The following SYNE2 variants were observed in gnomAD, a reference collection of about 807,000 sequenced individuals.
SYNE2 encodes nesprin-2.
In SYNE2, 431 loss-of-function variants were observed where a neutral mutation model predicts 856.3. That is an observed-to-expected ratio of 0.50 (90% CI 0.47 to 0.55). The LOEUF (loss-of-function observed/expected upper bound fraction) is 0.55, where lower values mean the gene tolerates loss of function less well. Ranked by LOEUF, SYNE2 falls within the 20% of genes least tolerant of loss-of-function variation. The pLI is 0.00. For synonymous variants in SYNE2, 2,923 were observed against 2,872.3 expected (o/e 1.02, Z -0.56); for missense variants, 8,129 against 8,023.2 (o/e 1.01, Z -0.50).
intron 9 of SYNE2, among the ~76,000 whole-genome samples, chr14:63,962,401 A>G (rs2153448546): frequency 6.6e-6 from 1 of 152,140 alleles, no homozygotes; most frequent in South Asian, 2.1e-4. Context: ...TTATTGAGAT[A>G]TAGTTTATAT....
chr14:64,130,874 AC>A (rs1391115682), intron 76 of SYNE2, among the ~76,000 whole-genome samples: 1 of 145,974 alleles, frequency 6.9e-6, no homozygotes, highest in African/African-American at 2.5e-5. Context: ...ACACAGCAAG[AC>A]TCTATCTCAA....
rs73277593 is a variant in SYNE2 at position 64,052,480 on chromosome 14, T to G, written c.8567T>G (p.Leu2856Arg). ...CTTATGGTTCAAGAAAGTGAAACAC[T>G]GATAATTCCCAGGGTGGAGACAGCT... ...FQLMVQESET[L>R]IIPRVETAAT... The change falls in exon 48 of 116, where the codon CTG becomes CGG. Residue 2856 changes from leucine (L) to arginine (R), a missense_variant. Physicochemically the swap from Leu to Arg is moderately radical, Grantham distance 102. Coordinates refer to ENST00000555002, the MANE Select transcript of SYNE2 (RefSeq NM_182914.3). 6.2e-5 allele frequency: 100 copies of G among 1,613,756 alleles called. No individual in the cohort carries two copies. The African/African-American group carries it at 1.3e-3, about 20-fold the overall frequency.
At chr14:64,014,338 G>A (rs567830812) in intron 32 of SYNE2, among the ~76,000 whole-genome samples, 48 of 152,292 alleles carry the variant, frequency 3.2e-4, no homozygotes, top group African/African-American at 1.1e-3. Context: ...CATTTGTAAA[G>A]GAGTCTTTGG....
chr14:63,785,755 A>T (rs975599596), intron 1 of SYNE2, among the ~76,000 whole-genome samples: 6 of 152,120 alleles, frequency 3.9e-5, no homozygotes, highest in African/African-American at 1.4e-4. Context: ...TTTTTAAATC[A>T]TTATTGACAT....
chr14:63,940,315 C>T (rs368989436), intron 2 of SYNE2, among the ~76,000 whole-genome samples: 55 of 152,234 alleles, frequency 3.6e-4, no homozygotes, highest in African/African-American at 1.3e-3. Context: ...CTCGGCCTCC[C>T]AAGTGCTGGG....
At chr14:64,174,068 ATT>A (rs774699849) in intron 94 of SYNE2, 4,457 of 412,266 alleles carry the variant, frequency 0.011, no homozygotes, top group Middle Eastern at 0.023. Flanking sequence ...TGTCTCTTAA[ATT>A]TTTTTTTTTT....
At chr14:64,168,234 G>C (rs1185285427) in intron 92 of SYNE2, among the ~76,000 whole-genome samples, 1 of 152,158 alleles carries the variant, frequency 6.6e-6, no homozygotes, top group Non-Finnish European at 1.5e-5. Flanking sequence ...CTTCCGAGTA[G>C]CTGGGACTAT....
Position 64,056,029 on chromosome 14 carries a change from C to G in SYNE2, c.9830C>G (p.Ala3277Gly), listed in dbSNP as rs758226884. 23 of 1,613,924 alleles carry G rather than the reference C, an allele frequency of 1.4e-5. No individual in the cohort carries two copies. Among genetic ancestry groups the G allele is most frequent in the East Asian group, 6.7e-5 (3 of 44,890 alleles). Residue 3277 changes from alanine to glycine, a missense_variant, in exon 49 of 116, where the codon GCC (alanine) becomes GGC (glycine). Coordinates refer to ENST00000555002, the MANE Select transcript of SYNE2 (RefSeq NM_182914.3). ...RAVESITSLE[A>G]IIIPYRVDVG... is the part of the protein sequence containing the mutation. ...GTGGAGAGCATCACTTCCCTCGAAGCCATCATTATACCCTACAGAGTAGAT... is the reference window on the plus strand; with the variant it reads ...GTGGAGAGCATCACTTCCCTCGAAGGCATCATTATACCCTACAGAGTAGAT...
chr14:63,860,234 A>G (rs528669883), intron 1 of SYNE2, among the ~76,000 whole-genome samples: 1 of 148,466 alleles, frequency 6.7e-6, no homozygotes, highest in South Asian at 2.1e-4. Flanking sequence ...ATATTTTAGA[A>G]TACTGCAGAG....
At chr14:64,045,378 T>C (rs2097178532) in intron 45 of SYNE2, among the ~76,000 whole-genome samples, 1 of 150,542 alleles carries the variant, frequency 6.6e-6, no homozygotes, top group Non-Finnish European at 1.5e-5. Flanking sequence ...GAATAACAGA[T>C]AAAGTGTTCC....
intron 1 of SYNE2, among the ~76,000 whole-genome samples, chr14:63,810,659 T>C (rs896724785): frequency 1.3e-5 from 2 of 152,206 alleles, no homozygotes; most frequent in African/African-American, 4.8e-5. Context: ...GTTTTTTTGA[T>C]TTTCTATTTG....
chr14:64,225,025 CGAG>C lies in SYNE2; in HGVS notation c.20503_20505del (p.Glu6835del), dbSNP rs780096549. On this transcript the variant is annotated inframe_deletion, in exon 115 of 116. Transcript: ENST00000555002. ...TCAGAGCAGTGAGAACTACAGAAGG[CGAG>C]GAGGAGACAGAGAGCAGGTAACGGG... 6.3e-5 allele frequency: 101 copies of C among 1,613,810 alleles called. No homozygotes were observed. Among genetic ancestry groups the C allele is most frequent in the Non-Finnish European group, 6.4e-5 (76 of 1,179,950 alleles).
intron 85 of SYNE2, among the ~76,000 whole-genome samples, chr14:64,156,867 C>T (rs1351327514): frequency 2.0e-5 from 3 of 152,220 alleles, no homozygotes; most frequent in East Asian, 1.9e-4. Context: ...CACATTTTAG[C>T]GTCCCACTTT....
At chr14:63,906,563 A>G (rs1205242714) in intron 1 of SYNE2, among the ~76,000 whole-genome samples, 1 of 152,202 alleles carries the variant, frequency 6.6e-6, no homozygotes, top group Non-Finnish European at 1.5e-5. Flanking sequence ...CCAGGAATTT[A>G]TCCATTTCCT....
chr14:63,827,867 T>C (rs1183008336), intron 1 of SYNE2, among the ~76,000 whole-genome samples: 1 of 151,552 alleles, frequency 6.6e-6, no homozygotes, highest in Non-Finnish European at 1.5e-5. Context: ...ATCCATGGGT[T>C]CTACATTTGC....
intron 99 of SYNE2, among the ~76,000 whole-genome samples, chr14:64,200,761 T>C (rs2098558318): frequency 6.6e-6 from 1 of 151,334 alleles, no homozygotes; most frequent in Non-Finnish European, 1.5e-5. Context: ...CATTCTGCCT[T>C]TCACATGTTA....
rs2096969116 is a variant in SYNE2 at position 64,025,290 on chromosome 14, A to C, written c.6121A>C (p.Thr2041Pro). 6.2e-7 allele frequency: 1 copy of C among 1,614,168 alleles called. No individual in the cohort carries two copies. The highest frequency in any genetic ancestry group is 2.2e-5 in the East Asian group (1 of 44,868). ...CGAGGAAGAGGATAAGTTACTACCC[A>C]CAGAGGACCAGAGCTTTAATGATCT... is the stretch of plus-strand genomic sequence containing the variant. ...EIEEEDKLLP[T>P]EDQSFNDLAH... is the part of the protein sequence containing the mutation. The change falls in exon 41 of 116, where the codon ACA (threonine) becomes CCA (proline). Residue 2041 changes from threonine (T) to proline (P), a missense_variant. Physicochemically the swap from Thr to Pro is conservative, Grantham distance 38. Transcript: ENST00000555002.
At chr14:64,143,619 T>C (rs1011150540) in intron 82 of SYNE2, among the ~76,000 whole-genome samples, 153 bp from the exon 83 acceptor site, 4 of 152,202 alleles carry the variant, frequency 2.6e-5, no homozygotes, top group Non-Finnish European at 5.9e-5. Context: ...AGCCAACTCC[T>C]GGTGTAGGTT....
chr14:64,200,863 AC>A (rs1438543754), intron 99 of SYNE2, among the ~76,000 whole-genome samples: 2 of 152,070 alleles, frequency 1.3e-5, no homozygotes, highest in Non-Finnish European at 2.9e-5. Context: ...CAGGACGCAA[AC>A]CCAGGCCCTG....
Sources: allele counts gnomAD v4.1 joint callset (sites outside exome capture counted in the v4.1 genomes callset), GRCh38; gene constraint gnomAD v4.1.1; transcripts MANE v1.5; gene names NCBI Gene and HGNC (gene_info 2026-07-23, HGNC 2026-07-21).